Variants in PPP4R4 observed in about 807,000 individuals in gnomAD.
The protein encoded by PPP4R4 is protein phosphatase 4 regulatory subunit 4, also known as serine/threonine-protein phosphatase 4 regulatory subunit 4.
In PPP4R4, 70 loss-of-function variants were observed where a neutral mutation model predicts 121.8. That is an observed-to-expected ratio of 0.57 (90% CI 0.47 to 0.70). PPP4R4 has a LOEUF of 0.70. Ranked by LOEUF, PPP4R4 falls within the 30% of genes least tolerant of loss-of-function variation. PPP4R4 has a pLI of 0.00. For synonymous variants in PPP4R4, 348 were observed against 355.7 expected, an observed-to-expected ratio of 0.98 and a Z score of 0.24; for missense variants, 875 against 1,033.6, an observed-to-expected ratio of 0.85 and a Z score of 2.10.
At position 94,278,667 on chromosome 14, in the gene PPP4R4, A is replaced by G. The variant is rs1260911447; in HGVS notation, c.*24A>G. ...AAATCAACTGCTTGATGAAGGAGGC[A>G]AAACAAAGGCAGCAGGAGATAATGT... On this transcript the variant is annotated 3_prime_UTR_variant, in exon 25 of 25. Transcript: ENST00000304338. The G allele has an allele frequency of 1.3e-6, 2 of 1,558,266 alleles. No homozygotes were observed. The highest frequency in any genetic ancestry group is 1.7e-6 in the Non-Finnish European group (2 of 1,148,224).
chr14:94,196,359 C>T (rs1438380257), intron 2 of PPP4R4, among the ~76,000 whole-genome samples: 1 of 126,192 alleles, frequency 7.9e-6, no homozygotes, highest in African/African-American at 3.0e-5. Context: ...GTCGTCCAGG[C>T]TGGAGTGCAG....
intron 2 of PPP4R4, among the ~76,000 whole-genome samples, chr14:94,191,690 A>T (rs1388243141): frequency 1.3e-5 from 2 of 152,296 alleles, no homozygotes; most frequent in East Asian, 1.9e-4. Context: ...AGAGGAGTTT[A>T]TCTCTTCGCA....
intron 23 of PPP4R4, among the ~76,000 whole-genome samples, chr14:94,272,633 T>C (rs537367772): frequency 5.5e-4 from 83 of 152,222 alleles, no homozygotes; most frequent in African/African-American, 2.0e-3. Flanking sequence ...GCGCAATCTA[T>C]GAAATAAAGA....
chr14:94,227,838 C>A, intron 3 of PPP4R4: 1 of 986,556 alleles, frequency 1.0e-6, no homozygotes, highest in Non-Finnish European at 1.2e-6. Context: ...AAAGCTGTGC[C>A]TTCTGAAACC....
chr14:94,272,015 G>A (rs61980580), intron 23 of PPP4R4, among the ~76,000 whole-genome samples: 10 of 152,108 alleles, frequency 6.6e-5, no homozygotes, highest in African/African-American at 2.4e-4. Flanking sequence ...AGAAATCAAA[G>A]AACTAATAAA....
chr14:94,270,811 G>A (rs765484516), intron 23 of PPP4R4, among the ~76,000 whole-genome samples: 16 of 151,818 alleles, frequency 1.1e-4, no homozygotes, highest in African/African-American at 2.2e-4. Flanking sequence ...CCAGATACTC[G>A]GGAGGCTGAG....
At chr14:94,256,897 C>A (rs1893504863) in intron 17 of PPP4R4, among the ~76,000 whole-genome samples, 1 of 152,176 alleles carries the variant, frequency 6.6e-6, no homozygotes, top group Admixed American at 6.5e-5. Context: ...ATGTTTTATT[C>A]ATCAGACTTT....
intron 3 of PPP4R4, among the ~76,000 whole-genome samples, chr14:94,211,464 G>A (rs1019867174): frequency 1.3e-5 from 2 of 152,134 alleles, no homozygotes; most frequent in Middle Eastern, 3.2e-3. Context: ...TGGAGAGAAC[G>A]GTAATTAGCC....
chr14:94,240,008 T>G (rs1892543581), intron 8 of PPP4R4, among the ~76,000 whole-genome samples: 2 of 152,202 alleles, frequency 1.3e-5, no homozygotes, highest in African/African-American at 4.8e-5. Flanking sequence ...AGCATTTTAT[T>G]TAGTATTTCT....
chr14:94,174,979 C>T (rs1300711560), intron 1 of PPP4R4, among the ~76,000 whole-genome samples: 15 of 146,864 alleles, frequency 1.0e-4, no homozygotes, highest in African/African-American at 3.8e-4. Flanking sequence ...TTCCGCCCCC[C>T]CCCCCCAAAG....
At chr14:94,277,771 C>T (rs116440611) in intron 24 of PPP4R4, among the ~76,000 whole-genome samples, 254 of 152,026 alleles carry the variant, frequency 1.7e-3, no homozygotes, top group African/African-American at 5.8e-3. Context: ...GTTCAACATA[C>T]GTAGTATGTA....
chr14:94,262,218 C>A lies in PPP4R4; in HGVS notation c.2128-2660C>A, dbSNP rs1461404388. 2.0e-5 allele frequency among the ~76,000 whole-genome samples: 3 copies of A among 151,906 alleles called. No individual in the cohort carries two copies. In the East Asian group the frequency reaches 5.8e-4, roughly 29 times the overall value. ...GTATTTTGATAATTGATTCTATTTCCTTAGTAGACATTAGATAATGTAGAT... is the reference window on the plus strand; with the variant it reads ...GTATTTTGATAATTGATTCTATTTCATTAGTAGACATTAGATAATGTAGAT... On this transcript the variant is annotated intron_variant, in intron 19 of 24. Transcript: ENST00000304338.
chr14:94,227,596 G>A, intron 3 of PPP4R4: 1 of 1,281,278 alleles, frequency 7.8e-7, no homozygotes, highest in Non-Finnish European at 9.9e-7. Context: ...AAATGTTGCT[G>A]CGGGAGTCAA....
At chr14:94,199,160 A>G (rs1890034849) in intron 2 of PPP4R4, among the ~76,000 whole-genome samples, 1 of 152,190 alleles carries the variant, frequency 6.6e-6, no homozygotes, top group Admixed American at 6.5e-5. Context: ...GAATATATTT[A>G]GTTCTTCTTT....
intron 24 of PPP4R4, among the ~76,000 whole-genome samples, chr14:94,277,793 A>G (rs1050409330): frequency 1.3e-5 from 2 of 152,082 alleles, no homozygotes; most frequent in Non-Finnish European, 2.9e-5. Flanking sequence ...TTATTTATAT[A>G]ATTTATATAT....
intron 3 of PPP4R4, among the ~76,000 whole-genome samples, chr14:94,212,753 T>C (rs2139461857): frequency 6.6e-6 from 1 of 152,280 alleles, no homozygotes; most frequent in Non-Finnish European, 1.5e-5. Flanking sequence ...TCTCATTATC[T>C]AGAAGTGAAA....
At chr14:94,234,772 C>T in intron 7 of PPP4R4, 103 bp downstream of exon 7, 2 of 816,494 alleles carry the variant, frequency 2.4e-6, no homozygotes, top group South Asian at 3.1e-5. Flanking sequence ...TCCTCTATGT[C>T]TGGATTAAAA....
chr14:94,260,521 A>G (rs1893729088), intron 19 of PPP4R4, among the ~76,000 whole-genome samples: 1 of 152,288 alleles, frequency 6.6e-6, no homozygotes, highest in East Asian at 1.9e-4. Flanking sequence ...GTTACCAGCC[A>G]TACTATTGGG....
intron 2 of PPP4R4, among the ~76,000 whole-genome samples, chr14:94,185,500 C>T (rs1158374181): frequency 1.3e-5 from 2 of 150,246 alleles, no homozygotes; most frequent in Admixed American, 1.3e-4. Flanking sequence ...GTGTGAGACC[C>T]TGTCTCAAAA....
Sources: allele counts gnomAD v4.1 joint callset (sites outside exome capture counted in the v4.1 genomes callset), GRCh38; gene constraint gnomAD v4.1.1; transcripts MANE v1.5; gene names NCBI Gene and HGNC (gene_info 2026-07-23, HGNC 2026-07-21).